The following FBXO7 variants were observed in gnomAD, a reference collection of about 807,000 sequenced individuals.
The protein encoded by FBXO7 is F-box only protein 7.
FBXO7 carries 31 observed loss-of-function variants against 50.2 expected under a neutral mutation model. That is an observed-to-expected ratio of 0.62 (90% CI 0.46 to 0.83). The LOEUF is 0.83. Ranked by LOEUF, FBXO7 falls within the 40% of genes least tolerant of loss-of-function variation. The pLI is 0.00. For missense variants in FBXO7, 667 were observed against 646.6 expected (o/e 1.03, Z -0.34); for synonymous variants, 256 against 253.1 (o/e 1.01, Z -0.11).
In FBXO7 at chr22:32,498,651, C is replaced by G. The variant is rs961023530; in HGVS notation, c.*121C>G. 11 of 1,201,836 alleles carry G rather than the reference C, an allele frequency of 9.2e-6. No individual in the cohort carries two copies. The highest frequency in any genetic ancestry group is 1.2e-5 in the Non-Finnish European group (10 of 845,132). 74.4% of individuals were successfully genotyped at this position (1,201,836 alleles called of 1,614,324 possible). A position where few individuals can be genotyped will look rare whatever the true frequency, so the allele number is the denominator to read the frequency against. On this transcript the variant is annotated 3_prime_UTR_variant, in exon 9 of 9. Coordinates refer to ENST00000266087, the MANE Select transcript of FBXO7 (RefSeq NM_012179.4). ...GATTGTGGTGTTGAGAGTTGCACTC[C>G]CAGAAACCTTTTAAGAGATACATTT... is the stretch of plus-strand genomic sequence containing the variant.
In FBXO7 at chr22:32,479,226, C is replaced by G; in HGVS notation, c.368C>G (p.Ser123Ter). 6.2e-7 allele frequency: 1 copy of G among 1,614,118 alleles called. No individual in the cohort carries two copies. Among genetic ancestry groups the G allele is most frequent in the Non-Finnish European group, 8.5e-7 (1 of 1,180,024 alleles). The change falls in exon 2 of 9, where the codon TCA becomes TGA. Residue 123 changes from serine (S) to a stop codon, truncating the protein, a stop_gained. Coordinates refer to ENST00000266087, the MANE Select transcript of FBXO7 (RefSeq NM_012179.4). LOFTEE classifies it high-confidence loss of function. Reference sequence around the variant, plus strand: ...ATGCAGGATGAACAACCAAGTGATTCATTCCAAGGACAGGCAGCCCAGTCT... The same window carrying G: ...ATGCAGGATGAACAACCAAGTGATTGATTCCAAGGACAGGCAGCCCAGTCT... The part of the protein sequence containing the change: ...TSMQDEQPSD[S>*]FQGQAAQSGV...
chr22:32,487,477 T>TA (rs1307105540), intron 4 of FBXO7: 1 of 328,234 alleles, frequency 3.0e-6, no homozygotes, highest in African/African-American at 2.1e-5. Flanking sequence ...ATCTTTAAGT[T>TA]ACTAATAAGC....
intron 8 of FBXO7, among the ~76,000 whole-genome samples, chr22:32,497,312 A>G (rs2146007894): frequency 6.6e-6 from 1 of 152,268 alleles, no homozygotes; most frequent in African/African-American, 2.4e-5. Context: ...CCTCCCTCCC[A>G]GCCTTTCCCC....
At chr22:32,481,494 C>A (rs543703294) in intron 2 of FBXO7, among the ~76,000 whole-genome samples, 169 of 152,230 alleles carry the variant, frequency 1.1e-3, no homozygotes, top group Non-Finnish European at 1.9e-3. Context: ...TTACTAATTT[C>A]AGTTCTAAGA....
At chr22:32,492,324 T>C (rs1200596992) in intron 6 of FBXO7, 1 of 152,268 alleles carries the variant, frequency 6.6e-6, no homozygotes, top group Non-Finnish European at 1.5e-5. Context: ...GGAAAGGGAG[T>C]AATGCCAATT....
chr22:32,479,037 A>C lies in FBXO7; in HGVS notation c.179A>C (p.Glu60Ala), dbSNP rs2057446383. The C allele has an allele frequency of 6.2e-7, 1 of 1,614,128 alleles. No homozygotes were observed. The highest frequency in any genetic ancestry group is 1.1e-5 in the South Asian group (1 of 91,094). ...LNYKDPLTGD[E>A]ETLASYGIVS... ...TACAAGGATCCCCTCACTGGAGATG[A>C]AGAGACCTTGGCTTCATATGGGATT... The change falls in exon 2 of 9, where the codon GAA becomes GCA. Residue 60 changes from glutamate (E) to alanine (A), a missense_variant. Glu to Ala is a moderately radical substitution (Grantham distance 107). Transcript: ENST00000266087.
chr22:32,492,062 G>T (rs1317003956), intron 6 of FBXO7: 1 of 150,742 alleles, frequency 6.6e-6, no homozygotes, highest in African/African-American at 2.5e-5. Context: ...CGTTTTGTCA[G>T]AAAAAATAAG....
intron 8 of FBXO7, 45 bp from the exon 9 acceptor site, chr22:32,498,099 G>C: frequency 1.2e-6 from 2 of 1,600,426 alleles, no homozygotes; most frequent in Non-Finnish European, 1.7e-6. Flanking sequence ...GAAACATCCA[G>C]ATCACTTACC....
In FBXO7 at chr22:32,479,252, G is replaced by A; in HGVS notation, c.394G>A (p.Gly132Ser). The A allele has an allele frequency of 6.2e-7, 1 of 1,614,044 alleles. No individual in the cohort carries two copies. Among genetic ancestry groups the A allele is most frequent in the Non-Finnish European group, 8.5e-7 (1 of 1,180,006 alleles). The change falls in exon 2 of 9, where the codon GGT becomes AGT. Residue 132 changes from glycine (G) to serine (S), a missense_variant. Gly to Ser is a moderately conservative substitution (Grantham distance 56). Coordinates refer to ENST00000266087, the MANE Select transcript of FBXO7 (RefSeq NM_012179.4). Reference protein sequence around the residue: ...DSFQGQAAQSGVWNDDSMLGP... With the variant: ...DSFQGQAAQSSVWNDDSMLGP... ...ATTCCAAGGACAGGCAGCCCAGTCT[G>A]GTGTTTGGAATGACGACAGTATGGT...
At chr22:32,491,516 G>A in intron 6 of FBXO7, 2 of 229,242 alleles carry the variant, frequency 8.7e-6, no homozygotes, top group Non-Finnish European at 8.6e-6. Flanking sequence ...CATAATAGAT[G>A]CTCTTTCTCT....
chr22:32,491,521 TTC>T, intron 6 of FBXO7: 1 of 231,578 alleles, frequency 4.3e-6, no homozygotes, highest in African/African-American at 2.4e-5. Context: ...TAGATGCTCT[TTC>T]TCTCTGTGTA....
intron 8 of FBXO7, among the ~76,000 whole-genome samples, chr22:32,497,878 A>G (rs905126557): frequency 1.3e-5 from 2 of 152,238 alleles, no homozygotes; most frequent in Non-Finnish European, 2.9e-5. Flanking sequence ...GATTGTTAGC[A>G]TATTTTTAAA....
rs1313699754 is a variant in FBXO7 at position 32,487,854 on chromosome 22, G to C, written c.871+26G>C. ...GTAATACAAACATTATTTAACTTTT[G>C]GGGTGAAACTCTGTGAAATTCATAT... On this transcript the variant is annotated intron_variant, in intron 5 of 8. Coordinates refer to ENST00000266087, the MANE Select transcript of FBXO7 (RefSeq NM_012179.4). 2.9e-6 allele frequency: 4 copies of C among 1,397,386 alleles called. No homozygotes were observed. The African/African-American group carries it at 5.7e-5, about 20-fold the overall frequency. The allele number at this position is 1,397,386 out of a possible 1,614,324, so 86.6% of individuals were successfully genotyped here.
intron 2 of FBXO7, among the ~76,000 whole-genome samples, chr22:32,482,027 A>AT (rs1274719579): frequency 1.3e-5 from 2 of 152,128 alleles, no homozygotes; most frequent in African/African-American, 4.8e-5. Context: ...TCATGTACTC[A>AT]GCCTAGGGTA....
In FBXO7 at chr22:32,498,428, A is replaced by G. The variant is rs777499512; in HGVS notation, c.1467A>G (p.Pro489=). Residue 489 remains proline, a synonymous_variant, in exon 9 of 9, where the codon CCA becomes CCG. Transcript: ENST00000266087. Reference sequence around the variant, plus strand: ...GCTTTGATCCAGTTGGCCCACTTCCAGGACCTAACCCCATCTTGCCAGGGC... The same window carrying G: ...GCTTTGATCCAGTTGGCCCACTTCCGGGACCTAACCCCATCTTGCCAGGGC... ...RPRFDPVGPL[P]GPNPILPGRG... The G allele has an allele frequency of 1.2e-6, 2 of 1,614,176 alleles. No homozygotes were observed. Among genetic ancestry groups the G allele is most frequent in the Non-Finnish European group, 1.7e-6 (2 of 1,180,024 alleles).
chr22:32,474,930 G>A lies in FBXO7; in HGVS notation c.-73G>A. Reference sequence around the variant, plus strand: ...TCCGGGGTCGTCGCCGTTTGGGGCGGGAGCTGCTCGGCCCCGCCGCCGTCC... The same window carrying A: ...TCCGGGGTCGTCGCCGTTTGGGGCGAGAGCTGCTCGGCCCCGCCGCCGTCC... On this transcript the variant is annotated 5_prime_UTR_variant, in exon 1 of 9. Coordinates refer to ENST00000266087, the MANE Select transcript of FBXO7 (RefSeq NM_012179.4). The A allele has an allele frequency of 1.4e-6, 2 of 1,420,250 alleles. No individual in the cohort carries two copies. Among genetic ancestry groups the A allele is most frequent in the Non-Finnish European group, 1.9e-6 (2 of 1,072,176 alleles). 88.0% of individuals were successfully genotyped at this position (1,420,250 alleles called of 1,614,324 possible). A position where few individuals can be genotyped will look rare whatever the true frequency, so the allele number is the denominator to read the frequency against.
At chr22:32,484,889 T>C (rs935216555) in intron 3 of FBXO7, among the ~76,000 whole-genome samples, 179 bp from the exon 4 acceptor site, 5 of 152,226 alleles carry the variant, frequency 3.3e-5, no homozygotes, top group South Asian at 2.1e-4. Context: ...TATTATCTTA[T>C]ACAATATGGT....
intron 4 of FBXO7, among the ~76,000 whole-genome samples, chr22:32,485,555 A>G (rs1303620224): frequency 6.6e-6 from 1 of 152,146 alleles, no homozygotes; most frequent in East Asian, 1.9e-4. Context: ...CTTGGAGAAT[A>G]CTTTTTCTTT....
intron 4 of FBXO7, among the ~76,000 whole-genome samples, chr22:32,486,167 G>A (rs1407076612): frequency 6.6e-6 from 1 of 151,898 alleles, no homozygotes; most frequent in Non-Finnish European, 1.5e-5. Context: ...CTTAAACCTT[G>A]AGCAGCAAAA....
Sources: allele counts gnomAD v4.1 joint callset (sites outside exome capture counted in the v4.1 genomes callset), GRCh38; gene constraint gnomAD v4.1.1; transcripts MANE v1.5; gene names NCBI Gene and HGNC (gene_info 2026-07-23, HGNC 2026-07-21).